The following DYRK1A variants were observed in gnomAD, a reference collection of about 807,000 sequenced individuals.
The protein encoded by DYRK1A is dual specificity tyrosine phosphorylation regulated kinase 1A.
DYRK1A carries 9 observed loss-of-function variants against 79.7 expected under a neutral mutation model. That is an observed-to-expected ratio of 0.11 (90% CI 0.07 to 0.20). DYRK1A has a LOEUF of 0.20. DYRK1A is among the 10% of genes least tolerant of loss of function. The pLI is 1.00. For synonymous variants in DYRK1A, 349 were observed against 329.7 expected (o/e 1.06, Z -0.63); for missense variants, 622 against 956.0 (o/e 0.65, Z 4.61).
chr21:37,417,794 G>A (rs959241722), intron 1 of DYRK1A, among the ~76,000 whole-genome samples: 3 of 151,984 alleles, frequency 2.0e-5, no homozygotes, highest in African/African-American at 2.4e-5. Context: ...ATGTAAGCTC[G>A]GTTCCTGGAT....
rs3216074 is a variant in DYRK1A at position 37,417,529 on chromosome 21, CTT to C, written c.-76-2746_-76-2745del. 7.9e-3 allele frequency among the ~76,000 whole-genome samples: 346 copies of C among 44,046 alleles called. 8 individuals carry two copies. In the East Asian group the frequency reaches 0.15, roughly 20 times the overall value. 28.9% of individuals were successfully genotyped at this position (44,046 alleles called of 152,430 possible). ...TTCTTTTCTTTTTCTTTTTCTTTTT[CTT>C]TTTTTTTTTTTTTTTTTTTTTTTAC... On this transcript the variant is annotated intron_variant, in intron 1 of 11. Transcript: ENST00000647188.
chr21:37,488,037 A>G (rs2052936090), intron 6 of DYRK1A: 1 of 152,196 alleles, frequency 6.6e-6, no homozygotes, highest in African/African-American at 2.4e-5. Flanking sequence ...CAGAAAAAAT[A>G]CTGGTAGCAT....
intron 2 of DYRK1A, among the ~76,000 whole-genome samples, chr21:37,431,151 A>G (rs963644721): frequency 8.5e-5 from 13 of 152,148 alleles, no homozygotes; most frequent in Non-Finnish European, 1.6e-4. Flanking sequence ...AATATAGAGG[A>G]TAAGAACAAT....
chr21:37,409,423 G>A (rs1471062024), intron 1 of DYRK1A, among the ~76,000 whole-genome samples: 1 of 152,054 alleles, frequency 6.6e-6, no homozygotes, highest in Non-Finnish European at 1.5e-5. Context: ...ACTTTTTTGG[G>A]TCTTATTTTT....
intron 2 of DYRK1A, among the ~76,000 whole-genome samples, chr21:37,431,172 T>C (rs189994495): frequency 6.6e-6 from 1 of 152,354 alleles, no homozygotes; most frequent in East Asian, 1.9e-4. Flanking sequence ...ATGTTTACTC[T>C]ATCCAGTGTT....
chr21:37,386,239 TAATAGA>T lies in DYRK1A; in HGVS notation c.-77+18616_-77+18621del, dbSNP rs564214473. On this transcript the variant is annotated intron_variant, in intron 1 of 11. Coordinates refer to ENST00000647188, the MANE Select transcript of DYRK1A (RefSeq NM_001347721.2). Reference sequence around the variant, plus strand: ...ATATATTAATATTAAAAGGTAATACTAATAGAAATAAAGTGCACAATAAATGTAGTG... The same window carrying T: ...ATATATTAATATTAAAAGGTAATACTAATAAAGTGCACAATAAATGTAGTG... 2.7e-4 allele frequency among the ~76,000 whole-genome samples: 41 copies of T among 152,270 alleles called. 1 individual carries two copies. The South Asian group carries it at 8.1e-3, about 30-fold the overall frequency.
intron 2 of DYRK1A, chr21:37,464,150 A>T (rs2051945045): frequency 3.7e-6 from 1 of 268,312 alleles, no homozygotes; most frequent in Middle Eastern, 4.9e-4. Context: ...TTGTTTTTAA[A>T]CTTAGGGTCT....
intron 2 of DYRK1A, among the ~76,000 whole-genome samples, chr21:37,458,266 TAC>T (rs1491271665): frequency 5.2e-5 from 2 of 38,824 alleles, no homozygotes; most frequent in Admixed American, 2.7e-4. Flanking sequence ...CTGGGTAATT[TAC>T]TGTGTGTGTG....
At chr21:37,409,064 A>G (rs1005062428) in intron 1 of DYRK1A, among the ~76,000 whole-genome samples, 3 of 152,158 alleles carry the variant, frequency 2.0e-5, no homozygotes, top group South Asian at 4.1e-4. Flanking sequence ...TGGACGTGGC[A>G]TTTACGGGCA....
At chr21:37,377,380 A>G (rs892864917) in intron 1 of DYRK1A, among the ~76,000 whole-genome samples, 1 of 152,046 alleles carries the variant, frequency 6.6e-6, no homozygotes, top group Non-Finnish European at 1.5e-5. Context: ...CGGCCTCCCA[A>G]AGTGCTGGGA....
intron 2 of DYRK1A, among the ~76,000 whole-genome samples, chr21:37,438,679 A>C (rs955298565): frequency 6.6e-6 from 1 of 152,156 alleles, no homozygotes; most frequent in Non-Finnish European, 1.5e-5. Context: ...TGTTCCATTA[A>C]TCTATTTGTC....
chr21:37,478,070 T>C, intron 3 of DYRK1A, 138 bp from the exon 4 acceptor site: 1 of 1,135,370 alleles, frequency 8.8e-7, no homozygotes, highest in Non-Finnish European at 1.2e-6. Flanking sequence ...TGAGAGAGAA[T>C]GTATAATCAT....
In DYRK1A at chr21:37,526,096, A is replaced by G. The variant is rs576454579; in HGVS notation, c.*13565A>G. On this transcript the variant is annotated 3_prime_UTR_variant, in exon 12 of 12. Coordinates refer to ENST00000647188, the MANE Select transcript of DYRK1A (RefSeq NM_001347721.2). ...TGCTTTAAGCTCTTCCCATGTTGTT[A>G]AAAGTTAAAAAAAGAAGAGCTCCAT... 3 of 152,330 alleles carry G rather than the reference A, an allele frequency of 2.0e-5. No individual in the cohort carries two copies. The highest frequency in any genetic ancestry group is 2.0e-4 in the Admixed American group (3 of 15,294). 9.4% of individuals were successfully genotyped at this position (152,330 alleles called of 1,614,324 possible).
chr21:37,376,545 A>G (rs1322771879), intron 1 of DYRK1A, among the ~76,000 whole-genome samples: 1 of 152,012 alleles, frequency 6.6e-6, no homozygotes, highest in Non-Finnish European at 1.5e-5. Context: ...TGGTATGGTC[A>G]TGGGAAGGTT....
intron 11 of DYRK1A, 163 bp downstream of exon 11, chr21:37,506,386 G>A (rs2053600346): frequency 1.3e-6 from 2 of 1,529,664 alleles, no homozygotes; most frequent in Non-Finnish European, 1.8e-6. Context: ...GCACATTCTT[G>A]CAGTTTTCCT....
chr21:37,463,200 GCA>G (rs1491120900), intron 2 of DYRK1A, among the ~76,000 whole-genome samples: 6 of 112,576 alleles, frequency 5.3e-5, no homozygotes, highest in Admixed American at 1.9e-4. Context: ...TTTAATGTTG[GCA>G]CGTGTGTGTG....
chr21:37,454,084 C>CTTTTTTTTTTTTT, intron 2 of DYRK1A, among the ~76,000 whole-genome samples: 1 of 72,464 alleles, frequency 1.4e-5, no homozygotes, highest in Non-Finnish European at 2.7e-5. Flanking sequence ...GATGTAGTCT[C>CTTTTTTTTTTTTT]CTTTTTTTTT....
chr21:37,478,078 C>T, intron 3 of DYRK1A, 130 bp from the exon 4 acceptor site: 2 of 1,222,062 alleles, frequency 1.6e-6, no homozygotes, highest in Non-Finnish European at 2.3e-6. Context: ...AATGTATAAT[C>T]ATCTAATGTG....
intron 1 of DYRK1A, among the ~76,000 whole-genome samples, chr21:37,398,862 T>C (rs1012458786): frequency 1.3e-5 from 2 of 152,004 alleles, no homozygotes; most frequent in African/African-American, 4.8e-5. Context: ...CCACGTGAGG[T>C]GATCCTTTTG....
Sources: allele counts gnomAD v4.1 joint callset (sites outside exome capture counted in the v4.1 genomes callset), GRCh38; gene constraint gnomAD v4.1.1; transcripts MANE v1.5; gene names NCBI Gene and HGNC (gene_info 2026-07-23, HGNC 2026-07-21).